Variants in KCNIP4 observed in about 807,000 individuals in gnomAD.
The protein encoded by KCNIP4 is potassium voltage-gated channel interacting protein 4, also known as Kv channel-interacting protein 4.
A neutral mutation model predicts 34.0 loss-of-function variants in KCNIP4; 12 were observed. The observed-to-expected ratio is 0.35, with a 90% CI of 0.23 to 0.57. The LOEUF is 0.57. Ranked by LOEUF, KCNIP4 falls within the 20% of genes least tolerant of loss-of-function variation. The probability of loss-of-function intolerance (pLI) is 0.83; values close to 1 mark genes in which losing one functional copy is unlikely to be tolerated. For missense variants in KCNIP4, 238 were observed against 311.7 expected (o/e 0.76, Z 1.78); for synonymous variants, 124 against 102.2 (o/e 1.21, Z -1.29).
chr4:21,070,916 C>T (rs1744853073), intron 1 of KCNIP4, among the ~76,000 whole-genome samples: 1 of 151,900 alleles, frequency 6.6e-6, no homozygotes, highest in Admixed American at 6.6e-5. Context: ...ACCTCGTGAT[C>T]TGCCCACCTC....
At chr4:21,414,952 T>C (rs1724819072) in intron 1 of KCNIP4, among the ~76,000 whole-genome samples, 1 of 152,154 alleles carries the variant, frequency 6.6e-6, no homozygotes, top group Non-Finnish European at 1.5e-5. Flanking sequence ...CTTTTTTTTA[T>C]GATCATTCTA....
chr4:21,634,210 C>T (rs1394808842), intron 1 of KCNIP4, among the ~76,000 whole-genome samples: 8 of 111,564 alleles, frequency 7.2e-5, no homozygotes, highest in Admixed American at 5.4e-4. Flanking sequence ...AGGAAAGCTA[C>T]GGGTTCTTTC....
chr4:21,102,600 T>A (rs1036055827), intron 1 of KCNIP4, among the ~76,000 whole-genome samples: 1 of 152,220 alleles, frequency 6.6e-6, no homozygotes, highest in Non-Finnish European at 1.5e-5. Context: ...TATAAATCAA[T>A]AATGAATCAA....
chr4:20,882,534 C>T (rs529173143), intron 2 of KCNIP4, 74 bp downstream of exon 2: 16 of 939,778 alleles, frequency 1.7e-5, no homozygotes, highest in East Asian at 7.5e-5. Context: ...TTGTAGAGAA[C>T]GGCAATGCAT....
chr4:20,973,226 C>T (rs1266941612), intron 1 of KCNIP4, among the ~76,000 whole-genome samples: 1 of 152,192 alleles, frequency 6.6e-6, no homozygotes, highest in African/African-American at 2.4e-5. Flanking sequence ...TTTAGCTAGA[C>T]CTTCTAGGTA....
At chr4:21,126,271 C>T (rs2109152844) in intron 1 of KCNIP4, among the ~76,000 whole-genome samples, 1 of 152,238 alleles carries the variant, frequency 6.6e-6, no homozygotes, top group Middle Eastern at 3.4e-3. Context: ...ACCATTACGG[C>T]CATCTGGTAA....
intron 1 of KCNIP4, among the ~76,000 whole-genome samples, chr4:21,149,090 C>T (rs1197840228): frequency 1.3e-5 from 2 of 152,050 alleles, no homozygotes; most frequent in African/African-American, 4.8e-5. Flanking sequence ...TTGAAATGTT[C>T]TCAAAAGCCT....
At chr4:21,856,129 C>T (rs973633213) in intron 1 of KCNIP4, among the ~76,000 whole-genome samples, 1 of 152,148 alleles carries the variant, frequency 6.6e-6, no homozygotes, top group Non-Finnish European at 1.5e-5. Flanking sequence ...AACATTTTGA[C>T]ATCACCTTGG....
At chr4:21,152,693 C>A (rs1299364442) in intron 1 of KCNIP4, among the ~76,000 whole-genome samples, 6 of 139,960 alleles carry the variant, frequency 4.3e-5, no homozygotes, top group African/African-American at 1.5e-4. Flanking sequence ...GGTCCGTGGC[C>A]TGTTAGGAAC....
intron 1 of KCNIP4, among the ~76,000 whole-genome samples, chr4:21,011,988 G>A (rs896336301): frequency 2.0e-5 from 3 of 152,196 alleles, no homozygotes; most frequent in Admixed American, 1.3e-4. Flanking sequence ...TAGTTTCGAT[G>A]TTTGGAGTCT....
chr4:21,069,021 T>C (rs956939087), intron 1 of KCNIP4, among the ~76,000 whole-genome samples: 1 of 152,160 alleles, frequency 6.6e-6, no homozygotes, highest in Non-Finnish European at 1.5e-5. Context: ...TGCCTGAGAT[T>C]GTACATCTAA....
intron 1 of KCNIP4, among the ~76,000 whole-genome samples, chr4:21,256,363 T>C (rs1761061633): frequency 6.6e-6 from 1 of 150,658 alleles, no homozygotes. Context: ...GGATGATGGC[T>C]TGAGCCAGGA....
intron 1 of KCNIP4, among the ~76,000 whole-genome samples, chr4:21,067,582 A>G (rs1744516544): frequency 6.6e-6 from 1 of 152,176 alleles, no homozygotes; most frequent in Non-Finnish European, 1.5e-5. Context: ...AAGGAAGGAC[A>G]TAAGCCTGGA....
At chr4:21,596,675 T>G (rs1034581311) in intron 1 of KCNIP4, among the ~76,000 whole-genome samples, 2 of 152,132 alleles carry the variant, frequency 1.3e-5, no homozygotes, top group African/African-American at 4.8e-5. Context: ...ATTGATGCTA[T>G]TTATAACCCT....
At chr4:20,851,608 C>A (rs1721028788) in intron 2 of KCNIP4, among the ~76,000 whole-genome samples, 1 of 133,220 alleles carries the variant, frequency 7.5e-6, no homozygotes, top group African/African-American at 2.5e-5. Flanking sequence ...GGAATCACCA[C>A]ACTACCTTCC....
At chr4:21,077,218 C>G (rs969614964) in intron 1 of KCNIP4, among the ~76,000 whole-genome samples, 3 of 151,930 alleles carry the variant, frequency 2.0e-5, no homozygotes, top group African/African-American at 7.3e-5. Flanking sequence ...TGTCATCAAC[C>G]ATTTGGTATC....
At chr4:20,946,324 G>A (rs762124217) in intron 1 of KCNIP4, among the ~76,000 whole-genome samples, 44 of 152,226 alleles carry the variant, frequency 2.9e-4, no homozygotes, top group Admixed American at 1.6e-3. Context: ...GTAGATAAGG[G>A]GGAAGAGCTT....
At chr4:20,884,583 T>A (rs1396159913) in intron 1 of KCNIP4, among the ~76,000 whole-genome samples, 1 of 152,014 alleles carries the variant, frequency 6.6e-6, no homozygotes, top group African/African-American at 2.4e-5. Flanking sequence ...TTACTTTAGC[T>A]CCCTACACAG....
intron 1 of KCNIP4, among the ~76,000 whole-genome samples, chr4:21,436,648 C>G (rs1006793186): frequency 1.3e-5 from 2 of 152,140 alleles, no homozygotes; most frequent in Non-Finnish European, 2.9e-5. Context: ...TAACTTTGAG[C>G]AAGTTATTTA....
Sources: allele counts gnomAD v4.1 joint callset (sites outside exome capture counted in the v4.1 genomes callset), GRCh38; gene constraint gnomAD v4.1.1; transcripts MANE v1.5; gene names NCBI Gene and HGNC (gene_info 2026-07-23, HGNC 2026-07-21).